The following PHACTR1 variants were observed in gnomAD, a reference collection of about 807,000 sequenced individuals.
The protein encoded by PHACTR1 is phosphatase and actin regulator 1.
A neutral mutation model predicts 69.2 loss-of-function variants in PHACTR1; 16 were observed. The observed-to-expected ratio is 0.23, with a 90% CI of 0.16 to 0.35. The LOEUF (loss-of-function observed/expected upper bound fraction) is 0.35, where lower values mean the gene tolerates loss of function less well. Ranked by LOEUF, PHACTR1 falls within the 10% of genes least tolerant of loss-of-function variation. PHACTR1 has a pLI of 1.00. For synonymous variants in PHACTR1, 312 were observed against 284.5 expected, an observed-to-expected ratio of 1.10 and a Z score of -0.97; for missense variants, 510 against 734.7, an observed-to-expected ratio of 0.69 and a Z score of 3.54.
At chr6:12,758,397 G>A (rs1581621128) in intron 4 of PHACTR1, among the ~76,000 whole-genome samples, 1 of 147,984 alleles carries the variant, frequency 6.8e-6, no homozygotes, top group East Asian at 2.0e-4. Flanking sequence ...GACCATGTGA[G>A]CAGAGACCCA....
intron 4 of PHACTR1, among the ~76,000 whole-genome samples, chr6:13,031,259 A>ATTT (rs1374256055): frequency 6.6e-6 from 1 of 151,996 alleles, no homozygotes; most frequent in Non-Finnish European, 1.5e-5. Context: ...GTATTCTGAT[A>ATTT]TTTTTTTCAA....
chr6:12,882,302 A>G (rs924493674), intron 4 of PHACTR1, among the ~76,000 whole-genome samples: 1 of 152,156 alleles, frequency 6.6e-6, no homozygotes, highest in African/African-American at 2.4e-5. Flanking sequence ...TGATTAAGAA[A>G]TAGGGACGAT....
At chr6:13,023,018 A>AAATAAT (rs377765917) in intron 4 of PHACTR1, among the ~76,000 whole-genome samples, 9 of 151,488 alleles carry the variant, frequency 5.9e-5, no homozygotes, top group East Asian at 1.9e-4. Flanking sequence ...TCCTGTCTCA[A>AAATAAT]AATAATAATA....
intron 5 of PHACTR1, among the ~76,000 whole-genome samples, chr6:13,118,804 G>T (rs1172876888): frequency 6.6e-6 from 1 of 152,110 alleles, no homozygotes; most frequent in Non-Finnish European, 1.5e-5. Flanking sequence ...GGGCAGCATG[G>T]CGCAGTGGAA....
intron 4 of PHACTR1, among the ~76,000 whole-genome samples, chr6:12,766,950 G>C (rs1273504282): frequency 6.6e-6 from 1 of 152,134 alleles, no homozygotes; most frequent in African/African-American, 2.4e-5. Flanking sequence ...CATGTCTATT[G>C]AAAATAGGCT....
chr6:13,286,869 G>T (rs1452319543), intron 14 of PHACTR1, among the ~76,000 whole-genome samples, 194 bp from the exon 15 acceptor site: 1 of 152,202 alleles, frequency 6.6e-6, no homozygotes, highest in Non-Finnish European at 1.5e-5. Context: ...GCAGGAGGTG[G>T]AGGCCACCAG....
At chr6:13,232,744 G>A (rs6928740) in intron 10 of PHACTR1, among the ~76,000 whole-genome samples, 100,020 of 151,682 alleles carry the variant, frequency 0.66, 33,489 homozygotes, top group Admixed American at 0.72. Flanking sequence ...ACGAGATCTC[G>A]GTTCTGAGGG....
At chr6:13,091,396 C>G (rs1813267894) in intron 5 of PHACTR1, among the ~76,000 whole-genome samples, 3 of 152,084 alleles carry the variant, frequency 2.0e-5, no homozygotes, top group African/African-American at 4.8e-5. Context: ...CAGCATTTGG[C>G]CTTGAATACT....
chr6:12,837,004 C>T (rs1017232282), intron 4 of PHACTR1, among the ~76,000 whole-genome samples: 1 of 152,132 alleles, frequency 6.6e-6, no homozygotes. Context: ...AAAACACCAG[C>T]CCAGAACTCC....
chr6:12,920,698 C>T (rs1787545769), intron 4 of PHACTR1, among the ~76,000 whole-genome samples: 1 of 152,250 alleles, frequency 6.6e-6, no homozygotes, highest in Non-Finnish European at 1.5e-5. Context: ...ATCAAAGTGC[C>T]CCTTTGAACA....
intron 5 of PHACTR1, among the ~76,000 whole-genome samples, chr6:13,106,833 G>T (rs914551778): frequency 1.3e-5 from 2 of 152,062 alleles, no homozygotes; most frequent in Non-Finnish European, 2.9e-5. Context: ...AAGACGAACT[G>T]CAATTCAATG....
intron 5 of PHACTR1, among the ~76,000 whole-genome samples, chr6:13,061,128 G>A (rs1338657034): frequency 1.3e-5 from 2 of 152,082 alleles, no homozygotes; most frequent in African/African-American, 2.4e-5. Flanking sequence ...ACCTTCACAT[G>A]GCATCTCTCT....
intron 4 of PHACTR1, among the ~76,000 whole-genome samples, chr6:12,784,319 CACATATACATGATGACATAT>C (rs1269652985): frequency 6.7e-6 from 1 of 150,358 alleles, no homozygotes; most frequent in Non-Finnish European, 1.5e-5. Flanking sequence ...TATCTATACA[CACATATACATGATGACATAT>C]ACATATACAC....
chr6:12,933,991 T>A, intron 4 of PHACTR1: 1 of 1,521,648 alleles, frequency 6.6e-7, no homozygotes, highest in African/African-American at 1.4e-5. Context: ...ACAAACTACA[T>A]GACATAAAAC....
chr6:13,155,649 G>T (rs547322758), intron 5 of PHACTR1, among the ~76,000 whole-genome samples: 1 of 152,156 alleles, frequency 6.6e-6, no homozygotes, highest in Non-Finnish European at 1.5e-5. Flanking sequence ...TAGCACTTTG[G>T]GAGGCCAAGG....
At chr6:13,071,519 G>T (rs562100724) in intron 5 of PHACTR1, among the ~76,000 whole-genome samples, 49 of 152,270 alleles carry the variant, frequency 3.2e-4, no homozygotes, top group Non-Finnish European at 5.6e-4. Flanking sequence ...AAATGCCTCT[G>T]AGGACTTTTC....
intron 6 of PHACTR1, among the ~76,000 whole-genome samples, chr6:13,162,543 C>T (rs1031010485): frequency 1.3e-5 from 2 of 152,082 alleles, no homozygotes; most frequent in Non-Finnish European, 2.9e-5. Flanking sequence ...ATAATAAGCA[C>T]CCGAGTGCTT....
At chr6:13,021,031 G>A (rs1293904917) in intron 4 of PHACTR1, among the ~76,000 whole-genome samples, 1 of 152,156 alleles carries the variant, frequency 6.6e-6, no homozygotes, top group African/African-American at 2.4e-5. Flanking sequence ...GCACCACAGA[G>A]TTCACTAATT....
intron 4 of PHACTR1, among the ~76,000 whole-genome samples, chr6:13,026,059 G>A (rs746074833): frequency 6.6e-6 from 1 of 152,170 alleles, no homozygotes; most frequent in African/African-American, 2.4e-5. Context: ...ATGGGTCAGC[G>A]TGCATTGCTA....
Sources: gnomAD v4.1 joint callset for allele counts (sites outside exome capture counted in the v4.1 genomes callset) on GRCh38, gnomAD v4.1.1 for gene constraint, MANE v1.5 for transcripts, NCBI Gene and HGNC (gene_info 2026-07-23, HGNC 2026-07-21) for gene names.